PTPN12: variants seen among roughly 807,000 people sequenced by gnomAD.
The protein encoded by PTPN12 is tyrosine-protein phosphatase non-receptor type 12.
PTPN12 carries 29 observed loss-of-function variants against 97.6 expected under a neutral mutation model. The ratio of observed to expected loss-of-function variants is 0.30; its 90% CI spans 0.22 to 0.41. The LOEUF is 0.41. PTPN12 is among the 10% of genes least tolerant of loss of function. The probability of loss-of-function intolerance (pLI) is 1.00; values close to 1 mark genes in which losing one functional copy is unlikely to be tolerated. For synonymous variants in PTPN12, 327 were observed against 300.4 expected, an observed-to-expected ratio of 1.09 and a Z score of -0.91; for missense variants, 819 against 926.0, an observed-to-expected ratio of 0.88 and a Z score of 1.50.
intron 12 of PTPN12, among the ~76,000 whole-genome samples, chr7:77,622,881 ATTCAT>A (rs1383365420): frequency 6.6e-6 from 1 of 151,988 alleles, no homozygotes; most frequent in East Asian, 1.9e-4. Context: ...AAAGAAATTC[ATTCAT>A]TTCAAGAAAA....
At chr7:77,567,011 A>T (rs1317359205) in intron 1 of PTPN12, among the ~76,000 whole-genome samples, 4 of 151,950 alleles carry the variant, frequency 2.6e-5, no homozygotes, top group African/African-American at 9.7e-5. Context: ...TTAGTATATT[A>T]TGTTTCTCAA....
chr7:77,588,230 G>A (rs1162360467), intron 5 of PTPN12, among the ~76,000 whole-genome samples: 1 of 152,068 alleles, frequency 6.6e-6, no homozygotes, highest in Non-Finnish European at 1.5e-5. Context: ...ATCATTTTTA[G>A]CTTTTTTATT....
intron 8 of PTPN12, chr7:77,601,013 T>C: frequency 4.0e-6 from 2 of 498,848 alleles, no homozygotes; most frequent in South Asian, 2.9e-5. Flanking sequence ...GATCATCTAT[T>C]TGAAAATAGT....
chr7:77,627,608 G>A lies in PTPN12; in HGVS notation c.1929G>A (p.Arg643=), dbSNP rs1789245957. ...AATSTESIST[R]KVLPMSIARH... ...CTAGTACTGAAAGCATTTCTACTAG[G>A]AAAGTATTGCCAATGTCCATTGCTA... Residue 643 remains arginine (R), a synonymous_variant, in exon 13 of 18, where the codon AGG becomes AGA. Transcript: ENST00000248594. 6.2e-7 allele frequency: 1 copy of A among 1,612,452 alleles called. No individual in the cohort carries two copies.
intron 1 of PTPN12, among the ~76,000 whole-genome samples, chr7:77,556,054 TG>T (rs1807696930): frequency 5.6e-5 from 1 of 17,836 alleles, no homozygotes; most frequent in Non-Finnish European, 8.4e-5. Flanking sequence ...ATAGGGTGTT[TG>T]TTTGTTTGTT....
intron 2 of PTPN12, among the ~76,000 whole-genome samples, chr7:77,573,087 A>AAAAAAC (rs1787205986): frequency 9.4e-6 from 1 of 106,644 alleles, no homozygotes; most frequent in African/African-American, 4.5e-5. Flanking sequence ...TATCTCAAAA[A>AAAAAAC]AAAAAAAAAC....
chr7:77,553,369 C>T (rs1472646203), intron 1 of PTPN12, among the ~76,000 whole-genome samples: 1 of 152,144 alleles, frequency 6.6e-6, no homozygotes, highest in Non-Finnish European at 1.5e-5. Flanking sequence ...TTGATCTGTC[C>T]ATTTCTGATA....
At chr7:77,609,273 C>CTCTTTT (rs557560724) in intron 9 of PTPN12, among the ~76,000 whole-genome samples, 8 of 126,910 alleles carry the variant, frequency 6.3e-5, no homozygotes, top group African/African-American at 2.1e-4. Context: ...CTCTCTCTCT[C>CTCTTTT]TTTTTTTTTT....
At chr7:77,570,821 A>G (rs1355999079) in intron 1 of PTPN12, among the ~76,000 whole-genome samples, 2 of 152,252 alleles carry the variant, frequency 1.3e-5, no homozygotes, top group African/African-American at 4.8e-5. Context: ...GACTCAGCTT[A>G]TTAATGATAT....
chr7:77,595,941 C>G (rs1788008860), intron 6 of PTPN12, among the ~76,000 whole-genome samples: 1 of 151,976 alleles, frequency 6.6e-6, no homozygotes, highest in Non-Finnish European at 1.5e-5. Flanking sequence ...TCAACAACCA[C>G]AATAATAATA....
rs754416529 is a variant in PTPN12, at chr7:77,632,396, C to T, written c.2045C>T (p.Pro682Leu). 8 of 1,611,110 alleles carry T rather than the reference C, an allele frequency of 5.0e-6. No homozygotes were observed. In the African/African-American group the frequency reaches 1.1e-4, roughly 22 times the overall value. Reference protein sequence around the residue: ...DSPPPLPERTPESFVLASEHN... With the variant: ...DSPPPLPERTLESFVLASEHN... ...CCTCCTCCCCTACCTGAAAGAACTC[C>T]TGAATCGTTTGTGTTAGCAAGTGAA... is the stretch of plus-strand genomic sequence containing the variant. The change falls in exon 14 of 18, where the codon CCT becomes CTT. Residue 682 changes from proline (P) to leucine (L), a missense_variant. This residue lies in a region of PTPN12 where 607 missense variants were observed against 577.3 expected (regional missense o/e 1.05). Coordinates refer to ENST00000248594, the MANE Select transcript of PTPN12 (RefSeq NM_002835.4).
At chr7:77,542,660 C>T (rs117389808) in intron 1 of PTPN12, among the ~76,000 whole-genome samples, 2,790 of 152,216 alleles carry the variant, frequency 0.018, 34 homozygotes, top group Middle Eastern at 0.071. Context: ...AAATATCTAG[C>T]TTGGTATCTG....
At chr7:77,623,012 C>CA (rs34769333) in intron 12 of PTPN12, among the ~76,000 whole-genome samples, 26,991 of 117,984 alleles carry the variant, frequency 0.23, 2,849 homozygotes, top group African/African-American at 0.34. Flanking sequence ...AAGAAATTAG[C>CA]AAAAAAAAAA....
At chr7:77,539,370 C>T (rs1254673256) in intron 1 of PTPN12, among the ~76,000 whole-genome samples, 2 of 152,076 alleles carry the variant, frequency 1.3e-5, no homozygotes, top group African/African-American at 2.4e-5. Flanking sequence ...TATATTTAAA[C>T]ATTTGCTCTT....
intron 1 of PTPN12, chr7:77,537,951 G>T (rs1450904235): frequency 5.0e-6 from 4 of 798,416 alleles, no homozygotes; most frequent in Non-Finnish European, 4.7e-6. Flanking sequence ...TACCGGGCCG[G>T]GAGCCGTAGG....
intron 8 of PTPN12, 71 bp from the exon 9 acceptor site, chr7:77,607,164 T>C: frequency 8.3e-7 from 1 of 1,208,452 alleles, no homozygotes; most frequent in Non-Finnish European, 1.2e-6. Context: ...AATATTAACA[T>C]GTCTATCCAC....
chr7:77,540,230 T>G (rs1353792072), intron 1 of PTPN12, among the ~76,000 whole-genome samples: 3 of 141,574 alleles, frequency 2.1e-5, no homozygotes, highest in Non-Finnish European at 4.6e-5. Context: ...TTTCTTTCTT[T>G]CTTTCTTTCT....
chr7:77,557,582 T>C (rs767434305), intron 1 of PTPN12, among the ~76,000 whole-genome samples: 3 of 152,204 alleles, frequency 2.0e-5, no homozygotes, highest in Non-Finnish European at 4.4e-5. Flanking sequence ...ACATTTATCA[T>C]TTAAGTGTAC....
chr7:77,555,590 C>G (rs1354592638), intron 1 of PTPN12, among the ~76,000 whole-genome samples: 1 of 152,138 alleles, frequency 6.6e-6, no homozygotes, highest in Non-Finnish European at 1.5e-5. Context: ...CAACATTCTT[C>G]ATTTTTGTTA....
Sources: gnomAD v4.1 joint callset for allele counts (sites outside exome capture counted in the v4.1 genomes callset) on GRCh38, gnomAD v4.1.1 for gene constraint, gnomAD v4.1.1 regional missense constraint, MANE v1.5 for transcripts, NCBI Gene and HGNC (gene_info 2026-07-23, HGNC 2026-07-21) for gene names.